The following CACNA2D2 variants were observed in gnomAD, a reference collection of about 807,000 sequenced individuals.
The protein encoded by CACNA2D2 is calcium voltage-gated channel auxiliary subunit alpha2delta 2.
CACNA2D2 carries 48 observed loss-of-function variants against 166.4 expected under a neutral mutation model. The ratio of observed to expected loss-of-function variants is 0.29; its 90% confidence interval spans 0.23 to 0.37. CACNA2D2 has a LOEUF of 0.37. Among genes scored for constraint, CACNA2D2 ranks in the 10% least tolerant of loss-of-function variants. The probability of loss-of-function intolerance (pLI) is 1.00; values close to 1 mark genes in which losing one functional copy is unlikely to be tolerated. For synonymous variants in CACNA2D2, 561 were observed against 573.7 expected, an observed-to-expected ratio of 0.98 and a Z score of 0.32; for missense variants, 1,122 against 1,433.0, an observed-to-expected ratio of 0.78 and a Z score of 3.50.
chr3:50,450,382 G>A (rs920697757), intron 2 of CACNA2D2, among the ~76,000 whole-genome samples: 6 of 82,644 alleles, frequency 7.3e-5, no homozygotes, highest in African/African-American at 1.4e-4. Flanking sequence ...AACAGAACCC[G>A]CCACTCTCTC....
intron 2 of CACNA2D2, among the ~76,000 whole-genome samples, chr3:50,471,498 A>T (rs1302120826): frequency 6.6e-6 from 1 of 152,044 alleles, no homozygotes; most frequent in Non-Finnish European, 1.5e-5. Context: ...GTTCCCTGGC[A>T]CTTGTGGGCA....
intron 1 of CACNA2D2, among the ~76,000 whole-genome samples, chr3:50,492,047 G>A (rs1376443701): frequency 6.6e-6 from 1 of 152,198 alleles, no homozygotes; most frequent in Non-Finnish European, 1.5e-5. Flanking sequence ...CCAGTCCTCT[G>A]CAGTGAGTAG....
At position 50,399,139 on chromosome 3, in the gene CACNA2D2, T is replaced by C. The variant is rs1706311904; in HGVS notation, c.406-4971A>G. Among the ~76,000 whole-genome samples, 3 of 152,226 alleles carry C rather than the reference T, an allele frequency of 2.0e-5. No homozygotes were observed. In the East Asian group the frequency reaches 5.8e-4, roughly 29 times the overall value. Reference sequence around the variant, plus strand: ...CTGGGGCTCTTGGGTGCCCCCACCTTCTTAGATGGCCTGCTCCTCCCCACC... The same window carrying C: ...CTGGGGCTCTTGGGTGCCCCCACCTCCTTAGATGGCCTGCTCCTCCCCACC... On this transcript the variant is annotated intron_variant, in intron 3 of 37. Transcript: ENST00000424201.
At chr3:50,476,262 C>A in intron 1 of CACNA2D2, 63 bp from the exon 2 acceptor site, 1 of 1,374,916 alleles carries the variant, frequency 7.3e-7, no homozygotes, top group South Asian at 1.2e-5. Context: ...AGCCCCACCC[C>A]AGCCAACCCG....
At chr3:50,400,214 A>T (rs1376094399) in intron 3 of CACNA2D2, among the ~76,000 whole-genome samples, 1 of 152,150 alleles carries the variant, frequency 6.6e-6, no homozygotes, top group Non-Finnish European at 1.5e-5. Context: ...GCCAGGGGGG[A>T]GCTGGAGCCC....
chr3:50,423,161 C>A lies in CACNA2D2; in HGVS notation c.405+11152G>T, dbSNP rs1267000568. On this transcript the variant is annotated intron_variant, in intron 3 of 37. Transcript: ENST00000424201. Reference sequence around the variant, plus strand: ...TACGCAGCTCATGGATGGATCTCAGCTTGCCTGGTTCCTGGTCTCCTCAAG... The same window carrying A: ...TACGCAGCTCATGGATGGATCTCAGATTGCCTGGTTCCTGGTCTCCTCAAG... Among the ~76,000 whole-genome samples, 4 of 152,368 alleles carry A rather than the reference C, an allele frequency of 2.6e-5. No individual in the cohort carries two copies. The South Asian group carries it at 8.3e-4, about 32-fold the overall frequency.
At chr3:50,377,435 C>T (rs764436246) in intron 17 of CACNA2D2, 32 bp downstream of exon 17, 15 of 1,575,116 alleles carry the variant, frequency 9.5e-6, no homozygotes, top group Non-Finnish European at 8.7e-7. Context: ...ACATGGGAGG[C>T]AGGGTACGCG....
At chr3:50,481,316 G>T (rs1003912979) in intron 1 of CACNA2D2, among the ~76,000 whole-genome samples, 1 of 152,126 alleles carries the variant, frequency 6.6e-6, no homozygotes, top group African/African-American at 2.4e-5. Context: ...GCCTCTGTGG[G>T]CCTTCTTACC....
chr3:50,491,641 G>A (rs569440258), intron 1 of CACNA2D2, among the ~76,000 whole-genome samples: 320 of 152,332 alleles, frequency 2.1e-3, no homozygotes, highest in Non-Finnish European at 3.5e-3. Flanking sequence ...TGTGAGAACA[G>A]GCGACAGCAC....
chr3:50,473,135 C>T (rs941646272), intron 2 of CACNA2D2, among the ~76,000 whole-genome samples: 1 of 152,236 alleles, frequency 6.6e-6, no homozygotes, highest in Non-Finnish European at 1.5e-5. Flanking sequence ...GCACTAGCTG[C>T]GATGTTAGAT....
intron 2 of CACNA2D2, among the ~76,000 whole-genome samples, chr3:50,473,273 G>A (rs1282992864): frequency 1.3e-5 from 2 of 152,254 alleles, no homozygotes; most frequent in Non-Finnish European, 2.9e-5. Context: ...AGGTCAGGAG[G>A]AGGAAAGTGC....
chr3:50,455,867 C>T (rs1709338861), intron 2 of CACNA2D2, among the ~76,000 whole-genome samples: 1 of 152,206 alleles, frequency 6.6e-6, no homozygotes, highest in Non-Finnish European at 1.5e-5. Flanking sequence ...GAGCAATCAG[C>T]AAAACAGACA....
intron 1 of CACNA2D2, among the ~76,000 whole-genome samples, chr3:50,486,179 C>T (rs1298205180): frequency 6.6e-6 from 1 of 152,168 alleles, no homozygotes; most frequent in Admixed American, 6.5e-5. Flanking sequence ...GGGGGAGCCA[C>T]GCCCAGGCCT....
At chr3:50,434,789 G>A (rs1708233510) in intron 2 of CACNA2D2, among the ~76,000 whole-genome samples, 2 of 152,164 alleles carry the variant, frequency 1.3e-5, no homozygotes, top group African/African-American at 4.8e-5. Flanking sequence ...GGGAAGAGTG[G>A]GCTGGAGAGG....
At chr3:50,408,693 G>A (rs1375202930) in intron 3 of CACNA2D2, among the ~76,000 whole-genome samples, 1 of 152,150 alleles carries the variant, frequency 6.6e-6, no homozygotes, top group Non-Finnish European at 1.5e-5. Context: ...AATGGCTTCT[G>A]CTTGCTGCTG....
chr3:50,412,197 T>C (rs1707050341), intron 3 of CACNA2D2, among the ~76,000 whole-genome samples: 1 of 152,218 alleles, frequency 6.6e-6, no homozygotes. Context: ...AATTAATACT[T>C]TGCCAAATGA....
At position 50,365,905 on chromosome 3, in the gene CACNA2D2, G is replaced by A. The variant is rs1272847097; in HGVS notation, c.2863-43C>T. On this transcript the variant is annotated intron_variant, in intron 32 of 37. Coordinates refer to ENST00000424201, the MANE Select transcript of CACNA2D2 (RefSeq NM_006030.4). The surrounding 1 kb of genome is among the most constrained non-coding windows in gnomAD (Gnocchi z 4.5). ...GCGTGGACTGCCACTGCTGCCCCTC[G>A]CCCTAGGTCACCCCCAGCTTTATCA... 8 of 1,612,390 alleles carry A rather than the reference G, an allele frequency of 5.0e-6. No individual in the cohort carries two copies. Among genetic ancestry groups the A allele is most frequent in the East Asian group, 4.5e-5 (2 of 44,868 alleles).
At chr3:50,404,705 C>T (rs1338438646) in intron 3 of CACNA2D2, among the ~76,000 whole-genome samples, 1 of 152,212 alleles carries the variant, frequency 6.6e-6, no homozygotes, top group Non-Finnish European at 1.5e-5. Flanking sequence ...CTACTGTGTG[C>T]AGTAAACTGG....
chr3:50,479,355 C>T (rs1011819718), intron 1 of CACNA2D2, among the ~76,000 whole-genome samples: 11 of 152,252 alleles, frequency 7.2e-5, no homozygotes, highest in Admixed American at 5.9e-4. Context: ...CTGGGCAGAC[C>T]CCAAGCCCTA....
Sources: allele counts gnomAD v4.1 joint callset (sites outside exome capture counted in the v4.1 genomes callset), GRCh38; gene constraint gnomAD v4.1.1; non-coding constraint Gnocchi (gnomAD v3.1); transcripts MANE v1.5; gene names NCBI Gene and HGNC (gene_info 2026-07-23, HGNC 2026-07-21).